USP24: variants seen among roughly 807,000 people sequenced by gnomAD.
USP24 encodes ubiquitin carboxyl-terminal hydrolase 24.
In USP24, 97 loss-of-function variants were observed where a neutral mutation model predicts 361.6. The observed-to-expected ratio is 0.27, with a 90% CI of 0.23 to 0.32. The LOEUF is 0.32. Ranked by LOEUF, USP24 falls within the 10% of genes least tolerant of loss-of-function variation. The probability of loss-of-function intolerance (pLI) is 1.00; values close to 1 mark genes in which losing one functional copy is unlikely to be tolerated. For missense variants in USP24, 2,353 were observed against 3,165.6 expected, an observed-to-expected ratio of 0.74 and a Z score of 6.16; for synonymous variants, 1,098 against 1,124.6, an observed-to-expected ratio of 0.98 and a Z score of 0.47.
intron 16 of USP24, among the ~76,000 whole-genome samples, chr1:55,149,769 C>T (rs1647141777): frequency 6.6e-6 from 1 of 152,198 alleles, no homozygotes; most frequent in African/African-American, 2.4e-5. Flanking sequence ...ATTTGTTCTT[C>T]TACCTATCAT....
chr1:55,145,798 G>A (rs1647012975), intron 20 of USP24, among the ~76,000 whole-genome samples, 200 bp downstream of exon 20: 1 of 152,048 alleles, frequency 6.6e-6, no homozygotes, highest in Non-Finnish European at 1.5e-5. Context: ...CAGGCCATAT[G>A]ATTTAAAAAC....
intron 1 of USP24, among the ~76,000 whole-genome samples, chr1:55,192,065 T>C (rs1474753451): frequency 6.6e-6 from 1 of 152,208 alleles, no homozygotes; most frequent in Non-Finnish European, 1.5e-5. Context: ...GGGAGTTAAG[T>C]ACACATGCAC....
chr1:55,076,905 A>G (rs889306567), intron 62 of USP24, among the ~76,000 whole-genome samples: 10 of 152,308 alleles, frequency 6.6e-5, no homozygotes, highest in East Asian at 1.9e-4. Context: ...TTTAAACCTA[A>G]TATCATTTGC....
chr1:55,202,216 A>T (rs1258752765), intron 1 of USP24, among the ~76,000 whole-genome samples: 1 of 152,226 alleles, frequency 6.6e-6, no homozygotes, highest in Non-Finnish European at 1.5e-5. Flanking sequence ...ATTCCAAGGT[A>T]TATTTCAAAA....
At chr1:55,126,309 C>T (rs777195884) in intron 32 of USP24, among the ~76,000 whole-genome samples, 4 of 152,208 alleles carry the variant, frequency 2.6e-5, no homozygotes, top group Non-Finnish European at 5.9e-5. Context: ...TCCTGGGTCT[C>T]GCTCCCTTAT....
At chr1:55,165,234 C>T (rs1338942856) in intron 7 of USP24, among the ~76,000 whole-genome samples, 3 of 152,032 alleles carry the variant, frequency 2.0e-5, no homozygotes, top group South Asian at 2.1e-4. Context: ...CAGCAGATAG[C>T]GCAGTGTCTT....
intron 58 of USP24, 138 bp downstream of exon 58, chr1:55,083,134 C>T (rs1645184744): frequency 1.4e-6 from 1 of 723,732 alleles, no homozygotes; most frequent in Non-Finnish European, 2.1e-6. Context: ...GATAATTTAA[C>T]TCCAAAGAAT....
chr1:55,150,623 T>C (rs1012561038), intron 16 of USP24, among the ~76,000 whole-genome samples: 2 of 152,148 alleles, frequency 1.3e-5, no homozygotes, highest in African/African-American at 4.8e-5. Context: ...GCCAATTAAG[T>C]CAATTATGGT....
At chr1:55,202,183 T>G (rs1479053625) in intron 1 of USP24, among the ~76,000 whole-genome samples, 1 of 152,334 alleles carries the variant, frequency 6.6e-6, no homozygotes. Context: ...AGGCAAGTGT[T>G]ATATTTTCAG....
rs766397306 is a variant in USP24 at position 55,068,697 on chromosome 1, C to T, written c.*348G>A. ...AAAACCAAAGGAATTTCTTTTGTAG[C>T]ATCGTAGAGAAAGCAACAGCTTTAT... On this transcript the variant is annotated 3_prime_UTR_variant, in exon 68 of 68. Coordinates refer to ENST00000294383, the MANE Select transcript of USP24 (RefSeq NM_015306.3). 2 of 245,664 alleles carry T rather than the reference C, an allele frequency of 8.1e-6. No individual in the cohort carries two copies. Among genetic ancestry groups the T allele is most frequent in the Non-Finnish European group, 1.5e-5 (2 of 129,856 alleles). The allele number at this position is 245,664 out of a possible 1,614,324, so 15.2% of individuals were successfully genotyped here.
At chr1:55,175,747 A>G (rs1179412709) in intron 3 of USP24, among the ~76,000 whole-genome samples, 1 of 152,208 alleles carries the variant, frequency 6.6e-6, no homozygotes, top group Admixed American at 6.5e-5. Context: ...ATGAGGATTC[A>G]AGGCTCATCT....
At chr1:55,084,372 T>C (rs1011963652) in intron 56 of USP24, 1 of 153,426 alleles carries the variant, frequency 6.5e-6, no homozygotes, top group Non-Finnish European at 1.4e-5. Flanking sequence ...AACGGTGATA[T>C]CGACTCAGCC....
intron 51 of USP24, among the ~76,000 whole-genome samples, chr1:55,094,696 T>TAAAAAAA (rs35026432): frequency 3.7e-5 from 4 of 108,978 alleles, no homozygotes; most frequent in Admixed American, 1.0e-4. Flanking sequence ...CTGCTAACAT[T>TAAAAAAA]AAAAAAAAAA....
In USP24 at chr1:55,107,434, A is replaced by C; in HGVS notation, c.4571-4T>G. On this transcript the variant is annotated splice_region_variant and splice_polypyrimidine_tract_variant and intron_variant, in intron 39 of 67. Transcript: ENST00000294383. The stretch of plus-strand genomic sequence containing the variant: ...CTTAACTGCTCCATTTCTGAAGCTA[A>C]GAAGGAAAAAAAAAATCCATTACAA... 1 of 1,572,046 alleles carries C rather than the reference A, an allele frequency of 6.4e-7. No homozygotes were observed.
chr1:55,107,205 A>T, intron 40 of USP24, 34 bp downstream of exon 40: 1 of 1,587,536 alleles, frequency 6.3e-7, no homozygotes, highest in Admixed American at 1.8e-5. Context: ...AGCACTGAAG[A>T]ATCTGCCATG....
intron 38 of USP24, among the ~76,000 whole-genome samples, chr1:55,112,895 G>C (rs1205410170): frequency 6.6e-6 from 1 of 152,162 alleles, no homozygotes; most frequent in Admixed American, 6.5e-5. Flanking sequence ...TTGTGTGGGA[G>C]TCGAAGTCTC....
intron 1 of USP24, among the ~76,000 whole-genome samples, chr1:55,210,564 C>CA (rs1422842639): frequency 6.6e-6 from 1 of 152,068 alleles, no homozygotes; most frequent in Non-Finnish European, 1.5e-5. Flanking sequence ...GACAGTATTA[C>CA]AATTTTAATC....
In USP24 at chr1:55,207,344, A is replaced by C. The variant is rs189058552; in HGVS notation, c.324+7446T>G. On this transcript the variant is annotated intron_variant, in intron 1 of 67. Coordinates refer to ENST00000294383, the MANE Select transcript of USP24 (RefSeq NM_015306.3). ...AAAGCTGGGTTTTAACAGCACATGAAGCAGAAACTGAAAAGTCTTGGATTT... is the reference window on the plus strand; with the variant it reads ...AAAGCTGGGTTTTAACAGCACATGACGCAGAAACTGAAAAGTCTTGGATTT... Among the ~76,000 whole-genome samples, 19 of 152,204 alleles carry C rather than the reference A, an allele frequency of 1.2e-4. No individual in the cohort carries two copies. The East Asian group carries it at 3.7e-3, about 29-fold the overall frequency.
chr1:55,110,355 A>C (rs1168506587), intron 38 of USP24, 109 bp from the exon 39 acceptor site: 3 of 860,048 alleles, frequency 3.5e-6, no homozygotes, highest in Non-Finnish European at 5.1e-6. Context: ...TAATTTTGGT[A>C]AGCATAACTA....
Sources: allele counts gnomAD v4.1 joint callset (sites outside exome capture counted in the v4.1 genomes callset), GRCh38; gene constraint gnomAD v4.1.1; transcripts MANE v1.5; gene names NCBI Gene and HGNC (gene_info 2026-07-23, HGNC 2026-07-21).